The following FBXL7 variants were observed in gnomAD, a reference collection of about 807,000 sequenced individuals.
FBXL7 encodes F-box and leucine rich repeat protein 7, also known as F-box/LRR-repeat protein 7.
In FBXL7, 12 loss-of-function variants were observed where a neutral mutation model predicts 38.3. That is an observed-to-expected ratio of 0.31 (90% confidence interval 0.20 to 0.51). The LOEUF is 0.51. Among genes scored for constraint, FBXL7 ranks in the 20% least tolerant of loss-of-function variants. The pLI, the probability that FBXL7 is intolerant of heterozygous loss-of-function variation, is 0.98. For missense variants in FBXL7, 567 were observed against 676.4 expected (o/e 0.84, Z 1.79); for synonymous variants, 297 against 300.9 (o/e 0.99, Z 0.13).
intron 2 of FBXL7, among the ~76,000 whole-genome samples, chr5:15,843,385 T>C (rs540258251): frequency 2.0e-5 from 3 of 152,314 alleles, no homozygotes; most frequent in African/African-American, 7.2e-5. Flanking sequence ...CTTCACAAGG[T>C]CATAGATTTC....
chr5:15,893,709 G>A (rs1034104888), intron 2 of FBXL7, among the ~76,000 whole-genome samples: 4 of 152,020 alleles, frequency 2.6e-5, no homozygotes, highest in African/African-American at 9.7e-5. Context: ...TGGTTGAAAC[G>A]GAGTTATCCA....
At chr5:15,839,207 A>G (rs1280790774) in intron 2 of FBXL7, among the ~76,000 whole-genome samples, 2 of 150,978 alleles carry the variant, frequency 1.3e-5, no homozygotes, top group Non-Finnish European at 2.9e-5. Flanking sequence ...CTTATCTTTC[A>G]TTCGTGTTCT....
At chr5:15,594,677 C>T (rs1739571469) in intron 1 of FBXL7, among the ~76,000 whole-genome samples, 1 of 152,228 alleles carries the variant, frequency 6.6e-6, no homozygotes, top group Admixed American at 6.5e-5. Flanking sequence ...TCACAGACTG[C>T]TTTGGAAATG....
At chr5:15,632,381 T>C (rs542328924) in intron 2 of FBXL7, among the ~76,000 whole-genome samples, 1 of 152,184 alleles carries the variant, frequency 6.6e-6, no homozygotes, top group African/African-American at 2.4e-5. Context: ...GTGAAAGTTA[T>C]ATTTAGCCAC....
Position 15,938,982 on chromosome 5 carries a change from C to G in FBXL7, c.*1796C>G. On this transcript the variant is annotated 3_prime_UTR_variant, in exon 4 of 4. Transcript: ENST00000504595. ...ATCCAAATGCAGAACCTCTGCATCT[C>G]CAAGCCAGTTATGCTGAATTTGTCA... The G allele has an allele frequency of 2.5e-6, 1 of 399,060 alleles. No homozygotes were observed. Among genetic ancestry groups the G allele is most frequent in the Non-Finnish European group, 4.4e-6 (1 of 226,070 alleles). 24.7% of individuals were successfully genotyped at this position (399,060 alleles called of 1,614,324 possible). A position where few individuals can be genotyped will look rare whatever the true frequency, so the allele number is the denominator to read the frequency against.
intron 2 of FBXL7, among the ~76,000 whole-genome samples, chr5:15,906,512 AATTT>A (rs1392734120): frequency 8.2e-5 from 12 of 146,038 alleles, no homozygotes; most frequent in African/African-American, 3.2e-4. Flanking sequence ...ATCCACAAAA[AATTT>A]TTTTTTTTTT....
At chr5:15,693,959 C>T (rs536459611) in intron 2 of FBXL7, among the ~76,000 whole-genome samples, 1 of 152,312 alleles carries the variant, frequency 6.6e-6, no homozygotes, top group East Asian at 1.9e-4. Context: ...GGGCAAGAAC[C>T]CAGGATACTG....
chr5:15,646,541 C>T (rs546673702), intron 2 of FBXL7, among the ~76,000 whole-genome samples: 20 of 152,320 alleles, frequency 1.3e-4, no homozygotes, highest in African/African-American at 4.1e-4. Context: ...GATACTCCTA[C>T]GTTAATGGAA....
chr5:15,649,302 A>G (rs1354344243), intron 2 of FBXL7, among the ~76,000 whole-genome samples: 1 of 152,126 alleles, frequency 6.6e-6, no homozygotes, highest in African/African-American at 2.4e-5. Context: ...TGGCTGATAT[A>G]TACTTATTTT....
intron 2 of FBXL7, among the ~76,000 whole-genome samples, chr5:15,847,411 C>A (rs190264735): frequency 6.6e-6 from 1 of 152,184 alleles, no homozygotes; most frequent in African/African-American, 2.4e-5. Flanking sequence ...GGGCAACCAC[C>A]CCCATGATTT....
rs1736133653 is a variant in FBXL7 at position 15,750,750 on chromosome 5, C to T, written c.127+134678C>T. Among the ~76,000 whole-genome samples the T allele has an allele frequency of 3.9e-5, 6 of 152,196 alleles. No individual in the cohort carries two copies. In the South Asian group the frequency reaches 1.2e-3, roughly 32 times the overall value. ...AACGTCATGAGCGGCTGCCTTACTCCAGTTTCTATATACCACCATCACTAT... is the reference window on the plus strand; with the variant it reads ...AACGTCATGAGCGGCTGCCTTACTCTAGTTTCTATATACCACCATCACTAT... On this transcript the variant is annotated intron_variant, in intron 2 of 3. Coordinates refer to ENST00000504595, the MANE Select transcript of FBXL7 (RefSeq NM_012304.5).
intron 1 of FBXL7, among the ~76,000 whole-genome samples, chr5:15,516,184 AG>A (rs1419011366): frequency 6.6e-6 from 1 of 152,190 alleles, no homozygotes. Context: ...TGGCCAAACC[AG>A]GAAACTCAGT....
At chr5:15,689,267 GT>G (rs34173414) in intron 2 of FBXL7, among the ~76,000 whole-genome samples, 5,822 of 142,588 alleles carry the variant, frequency 0.041, 155 homozygotes, top group South Asian at 0.081. Flanking sequence ...TTTATTTTCA[GT>G]TTTTTTTTTT....
At chr5:15,657,753 G>T (rs1332342000) in intron 2 of FBXL7, among the ~76,000 whole-genome samples, 1 of 151,888 alleles carries the variant, frequency 6.6e-6, no homozygotes, top group Non-Finnish European at 1.5e-5. Context: ...CAGGAGAATT[G>T]CTTGAACCCA....
intron 1 of FBXL7, among the ~76,000 whole-genome samples, chr5:15,513,543 C>T (rs1391861087): frequency 2.0e-5 from 3 of 152,142 alleles, no homozygotes; most frequent in Admixed American, 2.0e-4. Context: ...TATCTGCCTG[C>T]AGCTGTATGT....
chr5:15,502,573 CTG>C (rs139009795), intron 1 of FBXL7, among the ~76,000 whole-genome samples: 95 of 152,296 alleles, frequency 6.2e-4, no homozygotes, highest in East Asian at 5.4e-3. Flanking sequence ...TACAAGGTAA[CTG>C]TGAGTTTTGG....
intron 2 of FBXL7, among the ~76,000 whole-genome samples, chr5:15,769,735 C>CG (rs1736680045): frequency 2.2e-4 from 1 of 4,560 alleles, no homozygotes; most frequent in East Asian, 5.4e-3. Flanking sequence ...TTTCTGGACA[C>CG]GAAAAAAAAA....
intron 2 of FBXL7, among the ~76,000 whole-genome samples, chr5:15,850,873 G>C (rs1011876423): frequency 6.6e-6 from 1 of 152,200 alleles, no homozygotes; most frequent in East Asian, 1.9e-4. Context: ...ATCCTGTAGA[G>C]GTAAAAGTCA....
At chr5:15,773,747 A>C (rs987984716) in intron 2 of FBXL7, among the ~76,000 whole-genome samples, 1 of 152,138 alleles carries the variant, frequency 6.6e-6, no homozygotes, top group African/African-American at 2.4e-5. Flanking sequence ...GCTGCTGTTT[A>C]TAATATCGTA....
Sources: gnomAD v4.1 joint callset for allele counts (sites outside exome capture counted in the v4.1 genomes callset) on GRCh38, gnomAD v4.1.1 for gene constraint, MANE v1.5 for transcripts, NCBI Gene and HGNC (gene_info 2026-07-23, HGNC 2026-07-21) for gene names.